NBAS: variants seen among roughly 807,000 people sequenced by gnomAD.
NBAS encodes the protein NBAS subunit of NRZ tethering complex, also known as NAG/BC035112 fusion.
A neutral mutation model predicts 302.5 loss-of-function variants in NBAS; 219 were observed. That is an observed-to-expected ratio of 0.72 (90% confidence interval 0.65 to 0.81). NBAS has a LOEUF of 0.81. NBAS is among the 30% of genes least tolerant of loss of function. The pLI, the probability that NBAS is intolerant of heterozygous loss-of-function variation, is 0.00. For missense variants in NBAS, 2,932 were observed against 2,841.6 expected (o/e 1.03, Z -0.72); for synonymous variants, 1,118 against 1,021.6 (o/e 1.09, Z -1.80).
At chr2:15,358,808 T>G (rs1195083714) in intron 32 of NBAS, among the ~76,000 whole-genome samples, 1 of 152,166 alleles carries the variant, frequency 6.6e-6, no homozygotes, top group Non-Finnish European at 1.5e-5. Context: ...ACAAAATTAC[T>G]ATGCTAGCCA....
the NBAS span, among the ~76,000 whole-genome samples, chr2:15,155,159 G>C: frequency 1.3e-5 from 2 of 152,098 alleles, no homozygotes; most frequent in Non-Finnish European, 2.9e-5. Context: ...AGCATCTCTG[G>C]GCAAGTCTTT....
the NBAS span, among the ~76,000 whole-genome samples, chr2:15,060,215 G>A: frequency 6.6e-6 from 1 of 152,116 alleles, no homozygotes; most frequent in Non-Finnish European, 1.5e-5. Context: ...AAAATGAGAT[G>A]TGGACGTGGA....
the NBAS span, among the ~76,000 whole-genome samples, chr2:14,916,508 C>T: frequency 5.9e-5 from 9 of 152,098 alleles, no homozygotes; most frequent in Non-Finnish European, 8.8e-5. Context: ...TAATGCATAT[C>T]GCATCTAAGT....
intron 50 of NBAS, among the ~76,000 whole-genome samples, chr2:15,184,224 G>A (rs1183327886): frequency 1.3e-5 from 2 of 152,104 alleles, no homozygotes; most frequent in Non-Finnish European, 2.9e-5. Context: ...GTCCCTATAG[G>A]TCGTTTTGGC....
intron 11 of NBAS, among the ~76,000 whole-genome samples, chr2:15,497,069 G>C (rs370510431): frequency 7.9e-5 from 12 of 152,144 alleles, no homozygotes; most frequent in African/African-American, 2.2e-4. Context: ...ACAAAGAAAA[G>C]AACATGGCAC....
chr2:15,493,182 T>G (rs1273665108), intron 11 of NBAS, among the ~76,000 whole-genome samples: 1 of 152,204 alleles, frequency 6.6e-6, no homozygotes, highest in Non-Finnish European at 1.5e-5. Context: ...TCCGCCATGA[T>G]TGTAAATTTC....
At chr2:15,067,707 G>T in the NBAS span, among the ~76,000 whole-genome samples, 1 of 152,010 alleles carries the variant, frequency 6.6e-6, no homozygotes, top group African/African-American at 2.4e-5. Flanking sequence ...CTGTTGATTG[G>T]GTATAAAGTT....
the NBAS span, among the ~76,000 whole-genome samples, chr2:14,970,265 A>T: frequency 6.6e-6 from 1 of 152,200 alleles, no homozygotes; most frequent in Non-Finnish European, 1.5e-5. Context: ...ATAAAAAACA[A>T]CTAGAACTTC....
chr2:15,330,404 C>T (rs9679564), intron 36 of NBAS, among the ~76,000 whole-genome samples, 194 bp downstream of exon 36: 3,661 of 152,252 alleles, frequency 0.024, 144 homozygotes, highest in African/African-American at 0.081. Context: ...CTGTCCTTTG[C>T]AAGTACTCCA....
chr2:15,357,335 ACACT>A (rs1408827818), intron 32 of NBAS, among the ~76,000 whole-genome samples: 25 of 152,156 alleles, frequency 1.6e-4, no homozygotes, highest in Admixed American at 6.5e-5. Context: ...TTTTCCCATC[ACACT>A]CACTCAGAAG....
chr2:14,893,990 G>C, the NBAS span, among the ~76,000 whole-genome samples: 2 of 152,156 alleles, frequency 1.3e-5, no homozygotes, highest in Non-Finnish European at 2.9e-5. Flanking sequence ...TGCTGGGATT[G>C]ATACAAAATA....
At chr2:15,161,486 G>A in the NBAS span, among the ~76,000 whole-genome samples, 1 of 152,206 alleles carries the variant, frequency 6.6e-6, no homozygotes, top group African/African-American at 2.4e-5. Context: ...AAGGAAGCAA[G>A]TGTGGCATGG....
chr2:15,413,971 C>T (rs747663090), intron 25 of NBAS, among the ~76,000 whole-genome samples: 22 of 152,158 alleles, frequency 1.4e-4, no homozygotes, highest in Admixed American at 2.0e-4. Context: ...AAAGGATTTA[C>T]GGAAGTATAA....
chr2:15,398,247 G>A (rs151305967), intron 26 of NBAS, among the ~76,000 whole-genome samples: 3 of 152,122 alleles, frequency 2.0e-5, no homozygotes, highest in South Asian at 2.1e-4. Flanking sequence ...GGGCTCAAGC[G>A]ATCCTCCTGG....
At chr2:14,779,049 G>C in the NBAS span, among the ~76,000 whole-genome samples, 3 of 152,272 alleles carry the variant, frequency 2.0e-5, no homozygotes, top group South Asian at 6.2e-4. Context: ...AATCCAAGAC[G>C]CTTTGATCTT....
intron 44 of NBAS, among the ~76,000 whole-genome samples, chr2:15,259,388 T>C (rs1480773296): frequency 6.6e-6 from 1 of 152,222 alleles, no homozygotes; most frequent in African/African-American, 2.4e-5. Flanking sequence ...GTCCCTAGAA[T>C]GACTCCAGTC....
the NBAS span, among the ~76,000 whole-genome samples, chr2:14,912,161 C>G: frequency 6.6e-6 from 1 of 152,076 alleles, no homozygotes; most frequent in African/African-American, 2.4e-5. Context: ...AGAAAAGGTA[C>G]AGTAAAAATA....
chr2:15,221,771 G>A (rs1042914253), intron 47 of NBAS, among the ~76,000 whole-genome samples: 5 of 152,202 alleles, frequency 3.3e-5, no homozygotes, highest in African/African-American at 1.2e-4. Context: ...AATTTTCAGG[G>A]AGAGATTAAA....
chr2:15,092,624 G>A, the NBAS span, among the ~76,000 whole-genome samples: 4 of 152,082 alleles, frequency 2.6e-5, no homozygotes, highest in Non-Finnish European at 4.4e-5. Flanking sequence ...TAGTTCTGCA[G>A]TAACAGGCTT....
Sources: gnomAD v4.1 joint callset for allele counts (sites outside exome capture counted in the v4.1 genomes callset) on GRCh38, gnomAD v4.1.1 for gene constraint, MANE v1.5 for transcripts, NCBI Gene and HGNC (gene_info 2026-07-23, HGNC 2026-07-21) for gene names.